ADAMTSL1: variants seen among roughly 807,000 people sequenced by gnomAD.
ADAMTSL1 encodes the protein ADAMTS like 1.
A neutral mutation model predicts 201.8 loss-of-function variants in ADAMTSL1; 126 were observed. That is an observed-to-expected ratio of 0.62 (90% CI 0.54 to 0.72). ADAMTSL1 has a LOEUF of 0.72. ADAMTSL1 is among the 30% of genes least tolerant of loss of function. The pLI is 0.00. For synonymous variants in ADAMTSL1, 1,121 were observed against 903.4 expected (o/e 1.24, Z -4.32); for missense variants, 2,679 against 2,277.8 (o/e 1.18, Z -3.59).
At chr9:18,142,975 A>T (rs1346906496) in intron 1 of ADAMTSL1, among the ~76,000 whole-genome samples, 1 of 152,160 alleles carries the variant, frequency 6.6e-6, no homozygotes, top group Non-Finnish European at 1.5e-5. Flanking sequence ...TACATGAAAC[A>T]CTAGTCTGGG....
At chr9:18,399,318 T>TATATATATACATAC (rs1554672314) in intron 2 of ADAMTSL1, among the ~76,000 whole-genome samples, 4 of 100,770 alleles carry the variant, frequency 4.0e-5, no homozygotes, top group Admixed American at 1.0e-4. Context: ...TATATATATA[T>TATATATATACATAC]ATATATATAT....
chr9:18,199,574 T>A (rs1490382655), intron 2 of ADAMTSL1, among the ~76,000 whole-genome samples: 1 of 152,144 alleles, frequency 6.6e-6, no homozygotes, highest in Non-Finnish European at 1.5e-5. Flanking sequence ...TCAACTTAAA[T>A]GAAGCTTTCA....
At chr9:18,226,494 C>T (rs1830436817) in intron 2 of ADAMTSL1, among the ~76,000 whole-genome samples, 1 of 152,130 alleles carries the variant, frequency 6.6e-6, no homozygotes, top group African/African-American at 2.4e-5. Context: ...ATACATCTTT[C>T]CTGGGTGGTT....
chr9:18,028,105 A>T (rs1367572308), intron 1 of ADAMTSL1, among the ~76,000 whole-genome samples: 1 of 152,068 alleles, frequency 6.6e-6, no homozygotes, highest in East Asian at 1.9e-4. Flanking sequence ...GTGTCAATGC[A>T]TGTGAGATGG....
intron 2 of ADAMTSL1, among the ~76,000 whole-genome samples, chr9:18,265,277 T>C (rs1356974513): frequency 6.6e-6 from 1 of 152,024 alleles, no homozygotes; most frequent in Non-Finnish European, 1.5e-5. Context: ...CTGCCAGAGC[T>C]CTGCATGTAT....
intron 21 of ADAMTSL1, chr9:18,826,000 C>G (rs896058516): frequency 1.8e-6 from 1 of 568,460 alleles, no homozygotes; most frequent in African/African-American, 1.9e-5. Context: ...ACTGGCCTCC[C>G]TCTTCCTGTC....
intron 1 of ADAMTSL1, among the ~76,000 whole-genome samples, chr9:18,143,438 G>T (rs1429424358): frequency 6.6e-6 from 1 of 152,162 alleles, no homozygotes; most frequent in Non-Finnish European, 1.5e-5. Context: ...GCAGTTGGGG[G>T]TAAGGGCTGT....
intron 14 of ADAMTSL1, among the ~76,000 whole-genome samples, 176 bp from the exon 15 acceptor site, chr9:18,721,360 G>A (rs938530042): frequency 2.0e-5 from 3 of 152,130 alleles, no homozygotes; most frequent in Non-Finnish European, 4.4e-5. Context: ...CTTTCTCCCA[G>A]CTCAAGTGAT....
upstream of ADAMTSL1, among the ~76,000 whole-genome samples, chr9:18,469,611 A>G (rs1467113009): frequency 1.3e-5 from 2 of 152,250 alleles, no homozygotes; most frequent in Non-Finnish European, 2.9e-5. Flanking sequence ...GAAAAGCTGC[A>G]TGAAACAGCA....
intron 2 of ADAMTSL1, among the ~76,000 whole-genome samples, chr9:18,275,544 A>G (rs1399636085): frequency 6.6e-6 from 1 of 152,094 alleles, no homozygotes; most frequent in East Asian, 1.9e-4. Flanking sequence ...CTAGGCAACT[A>G]CTGATCTGGT....
chr9:18,107,912 C>G (rs1252647927), intron 1 of ADAMTSL1, among the ~76,000 whole-genome samples: 3 of 152,134 alleles, frequency 2.0e-5, no homozygotes, highest in Non-Finnish European at 4.4e-5. Context: ...CTGAGCCCTC[C>G]AGCACAGTTT....
intron 1 of ADAMTSL1, among the ~76,000 whole-genome samples, chr9:18,017,156 T>C (rs538511878): frequency 2.6e-5 from 4 of 152,200 alleles, no homozygotes; most frequent in Non-Finnish European, 5.9e-5. Flanking sequence ...TAGCAAGTTA[T>C]AGTTTACAAA....
intron 2 of ADAMTSL1, among the ~76,000 whole-genome samples, chr9:18,221,744 A>G (rs1360415694): frequency 6.6e-6 from 1 of 152,064 alleles, no homozygotes; most frequent in Non-Finnish European, 1.5e-5. Flanking sequence ...TACATTGTCA[A>G]CTGTGTGTGT....
chr9:18,585,426 GT>G (rs1399463239), intron 4 of ADAMTSL1, among the ~76,000 whole-genome samples: 1 of 151,998 alleles, frequency 6.6e-6, no homozygotes, highest in African/African-American at 2.4e-5. Context: ...GTGATGTATA[GT>G]TTTTTTAATA....
In ADAMTSL1 at chr9:18,418,022, T is replaced by G. The variant is rs1033675536; in HGVS notation, c.208-86807T>G. Among the ~76,000 whole-genome samples the G allele has an allele frequency of 2.6e-5, 4 of 152,210 alleles. No homozygotes were observed. The East Asian group carries it at 5.8e-4, about 22-fold the overall frequency. On this transcript the variant is annotated intron_variant, in intron 2 of 29. Transcript: ENST00000680146. ...CAATATGACCAAGAGCAGCTTATAC[T>G]GGAAACTCTAGGCTAATTTATTACT...
chr9:18,300,545 G>A (rs1287767368), intron 2 of ADAMTSL1, among the ~76,000 whole-genome samples: 1 of 152,114 alleles, frequency 6.6e-6, no homozygotes, highest in Non-Finnish European at 1.5e-5. Context: ...AACCAGCATG[G>A]TACACGTATA....
At chr9:18,729,474 A>G (rs1291693727) in intron 15 of ADAMTSL1, among the ~76,000 whole-genome samples, 2 of 152,242 alleles carry the variant, frequency 1.3e-5, no homozygotes, top group African/African-American at 2.4e-5. Flanking sequence ...GAAAGCATTC[A>G]GGCAGCAAGG....
At chr9:18,502,782 A>C (rs1253685834) in intron 1 of ADAMTSL1, among the ~76,000 whole-genome samples, 2 of 152,120 alleles carry the variant, frequency 1.3e-5, no homozygotes, top group African/African-American at 2.4e-5. Context: ...TACTGTGGGA[A>C]AGTCAGGGAT....
At chr9:18,204,829 G>A (rs1829587174) in intron 2 of ADAMTSL1, among the ~76,000 whole-genome samples, 1 of 152,052 alleles carries the variant, frequency 6.6e-6, no homozygotes, top group Non-Finnish European at 1.5e-5. Flanking sequence ...GATTTGAGAA[G>A]GTGCATCTAC....
Sources: allele counts gnomAD v4.1 joint callset (sites outside exome capture counted in the v4.1 genomes callset), GRCh38; gene constraint gnomAD v4.1.1; transcripts MANE v1.5; gene names NCBI Gene and HGNC (gene_info 2026-07-23, HGNC 2026-07-21).